The following SLC8A3 variants were observed in gnomAD, a reference collection of about 807,000 sequenced individuals.
SLC8A3 encodes solute carrier family 8 member A3.
SLC8A3 carries 37 observed loss-of-function variants against 65.4 expected under a neutral mutation model. The observed-to-expected ratio is 0.57, with a 90% CI of 0.44 to 0.74. The LOEUF (loss-of-function observed/expected upper bound fraction) is 0.74, where lower values mean the gene tolerates loss of function less well. Ranked by LOEUF, SLC8A3 falls within the 30% of genes least tolerant of loss-of-function variation. The pLI is 0.00. For synonymous variants in SLC8A3, 461 were observed against 444.5 expected (o/e 1.04, Z -0.47); for missense variants, 1,112 against 1,172.1 (o/e 0.95, Z 0.75).
chr14:70,154,881 G>T (rs895951608), intron 2 of SLC8A3, among the ~76,000 whole-genome samples: 1 of 151,582 alleles, frequency 6.6e-6, no homozygotes, highest in Non-Finnish European at 1.5e-5. Context: ...GATCAAATCA[G>T]GGTAATTAGC....
chr14:70,054,083 A>T (rs1022431101), intron 3 of SLC8A3, among the ~76,000 whole-genome samples: 3 of 152,246 alleles, frequency 2.0e-5, no homozygotes, highest in African/African-American at 7.2e-5. Context: ...TCTCAGTTCT[A>T]GGAACAGGAA....
At chr14:70,103,486 T>C (rs61977429) in intron 2 of SLC8A3, among the ~76,000 whole-genome samples, 15,070 of 152,134 alleles carry the variant, frequency 0.099, 974 homozygotes, top group Non-Finnish European at 0.15. Flanking sequence ...GTACGTGATG[T>C]AATACATACG....
chr14:70,072,242 C>T (rs940996039), intron 2 of SLC8A3, among the ~76,000 whole-genome samples: 12 of 152,106 alleles, frequency 7.9e-5, no homozygotes, highest in African/African-American at 4.8e-5. Flanking sequence ...GCCTGGAGAG[C>T]GTGTTACCTG....
intron 2 of SLC8A3, among the ~76,000 whole-genome samples, chr14:70,107,679 A>G (rs1892969069): frequency 1.3e-5 from 2 of 152,166 alleles, no homozygotes; most frequent in Non-Finnish European, 2.9e-5. Flanking sequence ...GGAATGAAAG[A>G]CAGGGAAGCC....
intron 1 of SLC8A3, among the ~76,000 whole-genome samples, chr14:70,178,615 G>T (rs986723518): frequency 6.6e-6 from 1 of 152,204 alleles, no homozygotes; most frequent in Non-Finnish European, 1.5e-5. Context: ...GTAATCTAGA[G>T]TGGCTACAAG....
intron 2 of SLC8A3, among the ~76,000 whole-genome samples, chr14:70,125,758 G>A (rs1354152763): frequency 1.3e-5 from 2 of 152,082 alleles, no homozygotes; most frequent in Non-Finnish European, 2.9e-5. Flanking sequence ...CTCCTAGGGA[G>A]CTTTTTTTTA....
intron 2 of SLC8A3, among the ~76,000 whole-genome samples, chr14:70,123,073 CAAAAAAAA>C (rs35933485): frequency 2.2e-5 from 2 of 89,480 alleles, no homozygotes; most frequent in Non-Finnish European, 4.2e-5. Flanking sequence ...ACTCCATCTC[CAAAAAAAA>C]AAAAAAAAAA....
intron 1 of SLC8A3, among the ~76,000 whole-genome samples, chr14:70,186,527 G>C (rs1006747676): frequency 4.6e-5 from 7 of 152,134 alleles, no homozygotes; most frequent in Non-Finnish European, 1.0e-4. Context: ...TGCATGAATG[G>C]CCTTCCCTTC....
At chr14:70,172,938 G>A (rs1407699063) in intron 1 of SLC8A3, among the ~76,000 whole-genome samples, 1 of 152,134 alleles carries the variant, frequency 6.6e-6, no homozygotes, top group Non-Finnish European at 1.5e-5. Context: ...AAGTCAAAGA[G>A]AACAGCCCAG....
chr14:70,092,730 G>A (rs1435433293), intron 2 of SLC8A3, among the ~76,000 whole-genome samples: 3 of 152,124 alleles, frequency 2.0e-5, no homozygotes, highest in Non-Finnish European at 4.4e-5. Context: ...GAGGGAACCA[G>A]TTTGAGAGAA....
chr14:70,174,651 G>GTTTTTT lies in SLC8A3; in HGVS notation c.-62-6173_-62-6168dup, dbSNP rs1286502376. The stretch of plus-strand genomic sequence containing the variant: ...CCAAAAAGCCCCTTGGACCAAATCC[G>GTTTTTT]TTTTTTTTTTGTTTTTTTTTTTTTT... On this transcript the variant is annotated intron_variant, in intron 1 of 6. Coordinates refer to ENST00000356921, the MANE Select transcript of SLC8A3 (RefSeq NM_182932.3). Among the ~76,000 whole-genome samples, 9 of 90,356 alleles carry GTTTTTT rather than the reference G, an allele frequency of 1.0e-4. 1 individual carries two copies. The highest frequency in any genetic ancestry group is 1.7e-4 in the Non-Finnish European group (8 of 48,454). 59.3% of individuals were successfully genotyped at this position (90,356 alleles called of 152,430 possible).
At chr14:70,155,369 C>T (rs1896517280) in intron 2 of SLC8A3, among the ~76,000 whole-genome samples, 1 of 152,128 alleles carries the variant, frequency 6.6e-6, no homozygotes, top group South Asian at 2.1e-4. Flanking sequence ...TATCCATTAA[C>T]CAACCTCTCC....
In SLC8A3 at chr14:70,066,261, C is replaced by G. The variant is rs74462465; in HGVS notation, c.1785-5322G>C. On this transcript the variant is annotated intron_variant, in intron 2 of 6. Transcript: ENST00000356921. ...AAAAATCCCTTCCAGCTCTTGAACACTGGAGAAAGTCCTTACTTCTGCTCA... is the reference window on the plus strand; with the variant it reads ...AAAAATCCCTTCCAGCTCTTGAACAGTGGAGAAAGTCCTTACTTCTGCTCA... 5.9e-5 allele frequency among the ~76,000 whole-genome samples: 9 copies of G among 152,324 alleles called. No homozygotes were observed. The East Asian group carries it at 1.7e-3, about 29-fold the overall frequency.
chr14:70,088,753 C>T (rs1251285606), intron 2 of SLC8A3, among the ~76,000 whole-genome samples: 2 of 152,114 alleles, frequency 1.3e-5, no homozygotes, highest in African/African-American at 4.8e-5. Context: ...ATTTTCTTTA[C>T]CAAAGCTTCT....
At chr14:70,123,770 T>C (rs1269491495) in intron 2 of SLC8A3, among the ~76,000 whole-genome samples, 1 of 152,162 alleles carries the variant, frequency 6.6e-6, no homozygotes, top group Non-Finnish European at 1.5e-5. Context: ...TCTTTTATAA[T>C]GGAAATAAGA....
intron 6 of SLC8A3, 112 bp downstream of exon 6, chr14:70,048,655 G>A (rs922872854): frequency 1.1e-6 from 1 of 929,976 alleles, no homozygotes; most frequent in East Asian, 2.6e-5. Flanking sequence ...TAAGGGCAGA[G>A]GCTCTGTTAA....
At position 70,046,069 on chromosome 14, in the gene SLC8A3, C is replaced by T. The variant is rs1886738802; in HGVS notation, c.2644G>A (p.Gly882Arg). The change falls in exon 7 of 7, where the codon GGA becomes AGA. Residue 882 changes from glycine to arginine, a missense_variant. Physicochemically the swap from Gly to Arg is moderately radical, Grantham distance 125. Transcript: ENST00000356921. The surrounding 1 kb of genome is among the most constrained non-coding windows in gnomAD (Gnocchi z 4.2). The stretch of plus-strand genomic sequence containing the variant: ...CCACGGGGGCCACCAAGCTCCCCTC[C>T]CAGGTGCGGCCGCCTTCGGTACAAG... ...VLLYRRRPHL[G>R]GELGGPRGCK... 1.2e-6 allele frequency: 2 copies of T among 1,614,126 alleles called. No individual in the cohort carries two copies. The highest frequency in any genetic ancestry group is 4.5e-5 in the East Asian group (2 of 44,880).
At chr14:70,133,555 G>A (rs1024629234) in intron 2 of SLC8A3, among the ~76,000 whole-genome samples, 4 of 152,170 alleles carry the variant, frequency 2.6e-5, no homozygotes, top group African/African-American at 9.7e-5. Context: ...TTCCGTGCAC[G>A]GACCACAGCA....
intron 2 of SLC8A3, among the ~76,000 whole-genome samples, chr14:70,157,912 T>A (rs953600386): frequency 8.5e-5 from 13 of 152,232 alleles, no homozygotes; most frequent in African/African-American, 3.1e-4. Flanking sequence ...TCTTAAGGGA[T>A]CCTTTCATGG....
Sources: gnomAD v4.1 joint callset for allele counts (sites outside exome capture counted in the v4.1 genomes callset) on GRCh38, gnomAD v4.1.1 for gene constraint, Gnocchi (gnomAD v3.1) non-coding constraint, MANE v1.5 for transcripts, NCBI Gene and HGNC (gene_info 2026-07-23, HGNC 2026-07-21) for gene names.